The following ATF3 variants were observed in gnomAD, a reference collection of about 807,000 sequenced individuals.
The protein encoded by ATF3 is cyclic AMP-dependent transcription factor ATF-3.
A neutral mutation model predicts 18.4 loss-of-function variants in ATF3; 10 were observed. The ratio of observed to expected loss-of-function variants is 0.54; its 90% confidence interval spans 0.34 to 0.92. The LOEUF (loss-of-function observed/expected upper bound fraction) is 0.92. Among genes scored for constraint, ATF3 ranks in the 40% least tolerant of loss-of-function variants. The pLI, the probability that ATF3 is intolerant of heterozygous loss-of-function variation, is 0.02. For missense variants in ATF3, 183 were observed against 222.3 expected, an observed-to-expected ratio of 0.82 and a Z score of 1.12; for synonymous variants, 78 against 87.9, an observed-to-expected ratio of 0.89 and a Z score of 0.63.
At position 212,618,786 on chromosome 1, in the gene ATF3, T is replaced by C; in HGVS notation, c.348+552T>C. The C allele has an allele frequency of 1.8e-6, 1 of 558,780 alleles. No homozygotes were observed. The highest frequency in any genetic ancestry group is 3.2e-6 in the Non-Finnish European group (1 of 313,070). 34.6% of individuals were successfully genotyped at this position (558,780 alleles called of 1,614,324 possible). A position where few individuals can be genotyped will look rare whatever the true frequency, so the allele number is the denominator to read the frequency against. ...GAGAGACACTAGGGGAAATAGCTTT[T>C]GTGGGCAAGCAGGGTGGCCGGTGGT... On this transcript the variant is annotated intron_variant, in intron 3 of 3. Coordinates refer to ENST00000341491, the MANE Select transcript of ATF3 (RefSeq NM_001674.4). The surrounding 1 kb of genome is among the most constrained non-coding windows in gnomAD (Gnocchi z 4.4).
chr1:212,574,305 TTC>T (rs1217925601), intron 1 of ATF3, among the ~76,000 whole-genome samples: 3 of 152,070 alleles, frequency 2.0e-5, no homozygotes, highest in Non-Finnish European at 2.9e-5. Context: ...ATACTTTAAT[TTC>T]TGTTTTAATT....
intron 1 of ATF3, among the ~76,000 whole-genome samples, chr1:212,598,231 C>A (rs188154838): frequency 6.6e-6 from 1 of 152,076 alleles, no homozygotes; most frequent in African/African-American, 2.4e-5. Flanking sequence ...TTCTTTATTT[C>A]CCTTATTCTA....
rs560437126 is a variant in ATF3, at chr1:212,589,033, A to G, written c.-5+23550A>G. Among the ~76,000 whole-genome samples the G allele has an allele frequency of 1.4e-4, 22 of 152,318 alleles. No homozygotes were observed. The South Asian group carries it at 4.1e-3, about 29-fold the overall frequency. On this transcript the variant is annotated intron_variant, in intron 1 of 3. Transcript: ENST00000366981. ...AATCTGAAGCCATCTAAAATATAGC[A>G]TCGCTTTGAACATTTGAACCCAGGT... is the stretch of plus-strand genomic sequence containing the variant.
At chr1:212,594,612 A>G (rs1664954411) in intron 1 of ATF3, among the ~76,000 whole-genome samples, 1 of 152,192 alleles carries the variant, frequency 6.6e-6, no homozygotes, top group African/African-American at 2.4e-5. Flanking sequence ...AGAGTCTCAG[A>G]TGAGGGTGGC....
chr1:212,579,392 C>G (rs2102625782), intron 1 of ATF3, among the ~76,000 whole-genome samples: 1 of 152,282 alleles, frequency 6.6e-6, no homozygotes, highest in African/African-American at 2.4e-5. Flanking sequence ...CTAAGCACCA[C>G]AAAGAGCAGG....
chr1:212,583,542 C>T (rs1210991302), intron 1 of ATF3, among the ~76,000 whole-genome samples: 1 of 152,060 alleles, frequency 6.6e-6, no homozygotes, highest in African/African-American at 2.4e-5. Context: ...CCACCCAGGC[C>T]TACAGGGCAA....
In ATF3 at chr1:212,566,015, A is replaced by G. The variant is rs552685198; in HGVS notation, c.-5+532A>G. On this transcript the variant is annotated intron_variant, in intron 1 of 3. Coordinates refer to the ATF3 transcript ENST00000366981. ...TTTGTATCAGCAGTGTAACATGGAT[A>G]GGTTAACTGGATATGGGCTGGATAT... Among the ~76,000 whole-genome samples the G allele has an allele frequency of 6.6e-5, 10 of 152,228 alleles. 2 individuals carry two copies. Among genetic ancestry groups the G allele is most frequent in the African/African-American group, 2.4e-4 (10 of 41,538 alleles).
At position 212,619,362 on chromosome 1, in the gene ATF3, C is replaced by G. The variant is rs771078775; in HGVS notation, c.353C>G (p.Ser118Trp). Residue 118 changes from serine (S) to tryptophan (W), a missense_variant, in exon 4 of 4, where the codon TCG (serine) becomes TGG (tryptophan). Transcript: ENST00000341491. This position sits in a 1 kb window ranked among gnomAD's most constrained non-coding sequence, Gnocchi z 4.4. ...CCTCTGTTGCTTGTCCCCCAGGAGTCGGAGAAGCTGGAAAGTGTGAATGCT... is the reference window on the plus strand; with the variant it reads ...CCTCTGTTGCTTGTCCCCCAGGAGTGGGAGAAGCTGGAAAGTGTGAATGCT... ...KEKTECLQKE[S>W]EKLESVNAEL... 9.3e-6 allele frequency: 15 copies of G among 1,613,204 alleles called. No individual in the cohort carries two copies. The highest frequency in any genetic ancestry group is 1.3e-5 in the Non-Finnish European group (15 of 1,180,002).
Position 212,618,557 on chromosome 1 carries a change from G to A in ATF3, c.348+323G>A. On this transcript the variant is annotated intron_variant, in intron 3 of 3. Transcript: ENST00000341491. The surrounding 1 kb of genome is among the most constrained non-coding windows in gnomAD (Gnocchi z 4.4). ...CCAGTTAAAGAGGCTTCACTTGACT[G>A]TTTTCCTGAGAAAAGGAAGCTGCCA... 2.4e-6 allele frequency: 1 copy of A among 418,848 alleles called. No individual in the cohort carries two copies. The highest frequency in any genetic ancestry group is 4.4e-6 in the Non-Finnish European group (1 of 227,966). 25.9% of individuals were successfully genotyped at this position (418,848 alleles called of 1,614,324 possible). A position where few individuals can be genotyped will look rare whatever the true frequency, so the allele number is the denominator to read the frequency against.
chr1:212,598,121 A>G (rs1042093988), intron 1 of ATF3, among the ~76,000 whole-genome samples: 8 of 152,228 alleles, frequency 5.3e-5, no homozygotes, highest in Non-Finnish European at 8.8e-5. Context: ...CATCCGCACT[A>G]TAGAACAATG....
intron 1 of ATF3, among the ~76,000 whole-genome samples, chr1:212,567,455 T>C (rs969802194): frequency 3.3e-5 from 5 of 152,204 alleles, no homozygotes; most frequent in African/African-American, 1.2e-4. Context: ...TGTCTCTGTT[T>C]CTGTGCAAAG....
intron 1 of ATF3, among the ~76,000 whole-genome samples, chr1:212,577,482 T>C (rs1452631056): frequency 6.6e-6 from 1 of 152,194 alleles, no homozygotes; most frequent in Non-Finnish European, 1.5e-5. Flanking sequence ...ATAGTCACTA[T>C]GTGGTACAGT....
At chr1:212,581,176 C>T (rs1002188135) in intron 1 of ATF3, among the ~76,000 whole-genome samples, 5 of 152,220 alleles carry the variant, frequency 3.3e-5, no homozygotes, top group African/African-American at 7.2e-5. Context: ...ACATGCAACA[C>T]GGTTATGTGA....
intron 1 of ATF3, among the ~76,000 whole-genome samples, chr1:212,581,718 C>G (rs901242346): frequency 3.9e-5 from 6 of 152,076 alleles, no homozygotes; most frequent in African/African-American, 1.4e-4. Flanking sequence ...AAAATAATTA[C>G]TCAGTACCCA....
chr1:212,573,817 T>C (rs915760602), intron 1 of ATF3, among the ~76,000 whole-genome samples: 4 of 151,934 alleles, frequency 2.6e-5, no homozygotes, highest in Non-Finnish European at 4.4e-5. Context: ...TTCAGACTAT[T>C]CATTTCATCT....
chr1:212,589,190 A>G (rs549594087), intron 1 of ATF3, among the ~76,000 whole-genome samples: 1 of 152,354 alleles, frequency 6.6e-6, no homozygotes, highest in South Asian at 2.1e-4. Flanking sequence ...GGGTTGACAC[A>G]GTCATAATAA....
rs2102635365 is a variant in ATF3, at chr1:212,592,985, C to T, written c.-4-22033C>T. Among the ~76,000 whole-genome samples, 2 of 151,614 alleles carry T rather than the reference C, an allele frequency of 1.3e-5. 1 individual carries two copies. The highest frequency in any genetic ancestry group is 4.2e-4 in the South Asian group (2 of 4,794). On this transcript the variant is annotated intron_variant, in intron 1 of 3. Transcript: ENST00000366981. ...AATCATGCTGCTATAAAGACACATG[C>T]ACATGTATGTTTATTGTGGCACTAT...
intron 1 of ATF3, among the ~76,000 whole-genome samples, chr1:212,570,865 A>G (rs1044994818): frequency 5.5e-4 from 84 of 152,204 alleles, no homozygotes; most frequent in Non-Finnish European, 2.8e-4. Context: ...TTATTCCTCT[A>G]TTGATAGACA....
chr1:212,618,248 AGCCTTAC>A lies in ATF3; in HGVS notation c.348+15_348+21del. ...TGCCTGCAGAAAGTGAGTGCCTTCT[AGCCTTAC>A]CCTTCCTCTCGCTCACGCCTGTCTT... On this transcript the variant is annotated intron_variant, in intron 3 of 3. Coordinates refer to ENST00000341491, the MANE Select transcript of ATF3 (RefSeq NM_001674.4). The surrounding 1 kb of genome is among the most constrained non-coding windows in gnomAD (Gnocchi z 4.4). 5 of 1,612,428 alleles carry A rather than the reference AGCCTTAC, an allele frequency of 3.1e-6. No homozygotes were observed. The highest frequency in any genetic ancestry group is 4.2e-6 in the Non-Finnish European group (5 of 1,178,600).
Sources: gnomAD v4.1 joint callset for allele counts (sites outside exome capture counted in the v4.1 genomes callset) on GRCh38, gnomAD v4.1.1 for gene constraint, Gnocchi (gnomAD v3.1) non-coding constraint, MANE v1.5 for transcripts, NCBI Gene and HGNC (gene_info 2026-07-23, HGNC 2026-07-21) for gene names.